The following NFKB1 variants were observed in gnomAD, a reference collection of about 807,000 sequenced individuals.
The protein encoded by NFKB1 is nuclear factor NF-kappa-B p105 subunit.
NFKB1 carries 9 observed loss-of-function variants against 105.1 expected under a neutral mutation model. The observed-to-expected ratio is 0.09, with a 90% CI of 0.05 to 0.15. The LOEUF (loss-of-function observed/expected upper bound fraction) is 0.15, where lower values mean the gene tolerates loss of function less well. Ranked by LOEUF, NFKB1 falls within the 10% of genes least tolerant of loss-of-function variation. The probability of loss-of-function intolerance (pLI) is 1.00; values close to 1 mark genes in which losing one functional copy is unlikely to be tolerated. For missense variants in NFKB1, 830 were observed against 1,203.7 expected (o/e 0.69, Z 4.59); for synonymous variants, 440 against 442.2 (o/e 1.00, Z 0.06).
At chr4:102,577,777 G>A (rs1263508246) in intron 7 of NFKB1, 5 of 981,948 alleles carry the variant, frequency 5.1e-6, no homozygotes, top group Non-Finnish European at 6.0e-6. Flanking sequence ...CTGCGAGGCT[G>A]TGGTCCAGCC....
chr4:102,550,487 C>T (rs1478995452), intron 5 of NFKB1, among the ~76,000 whole-genome samples: 1 of 152,166 alleles, frequency 6.6e-6, no homozygotes, highest in African/African-American at 2.4e-5. Context: ...TCTTCCCTCC[C>T]TCCCCTCATC....
chr4:102,512,578 G>A (rs1455651579), intron 1 of NFKB1, among the ~76,000 whole-genome samples: 3 of 152,010 alleles, frequency 2.0e-5, no homozygotes, highest in Non-Finnish European at 4.4e-5. Flanking sequence ...TGTTGCCAAG[G>A]CTTGTCCCCA....
intron 6 of NFKB1, among the ~76,000 whole-genome samples, chr4:102,572,664 C>T (rs1724480215): frequency 6.6e-6 from 1 of 152,140 alleles, no homozygotes; most frequent in South Asian, 2.1e-4. Flanking sequence ...GGTGTGAGAT[C>T]ATATCTCATT....
intron 5 of NFKB1, among the ~76,000 whole-genome samples, chr4:102,539,783 C>G (rs1249176487): frequency 6.6e-6 from 1 of 152,186 alleles, no homozygotes; most frequent in East Asian, 1.9e-4. Flanking sequence ...ACTAGTGGCT[C>G]TATATCCTGC....
At chr4:102,566,418 G>C (rs1343111203) in intron 5 of NFKB1, among the ~76,000 whole-genome samples, 1 of 152,152 alleles carries the variant, frequency 6.6e-6, no homozygotes, top group Non-Finnish European at 1.5e-5. Flanking sequence ...TGAAGGCTCA[G>C]GTTTTCTAAG....
chr4:102,551,367 T>TGTGTGTGTGCGC (rs370790173), intron 5 of NFKB1, among the ~76,000 whole-genome samples: 16 of 150,204 alleles, frequency 1.1e-4, no homozygotes, highest in African/African-American at 3.9e-4. Flanking sequence ...TGTGTGTGTG[T>TGTGTGTGTGCGC]GCGCGCGCGC....
intron 1 of NFKB1, among the ~76,000 whole-genome samples, chr4:102,510,141 C>T (rs1739684182): frequency 6.6e-6 from 1 of 152,210 alleles, no homozygotes; most frequent in African/African-American, 2.4e-5. Flanking sequence ...CTGGTTTGAG[C>T]ATCACCATTT....
intron 5 of NFKB1, among the ~76,000 whole-genome samples, chr4:102,564,150 A>G (rs946212180): frequency 5.9e-5 from 9 of 152,210 alleles, no homozygotes; most frequent in African/African-American, 2.2e-4. Context: ...AGAGCCTGCA[A>G]TGTTCAGACG....
chr4:102,536,161 T>G (rs1578733650), intron 4 of NFKB1, among the ~76,000 whole-genome samples: 1 of 152,208 alleles, frequency 6.6e-6, no homozygotes, highest in East Asian at 1.9e-4. Flanking sequence ...TTCATGGTTT[T>G]AGAAATTTCA....
rs199822147 is a variant in NFKB1 at position 102,525,580 on chromosome 4, T to A, written c.39+23T>A. 8.2e-4 allele frequency: 1,297 copies of A among 1,589,358 alleles called. 27 individuals carry two copies. In the South Asian group the frequency reaches 0.014, roughly 17 times the overall value. ...CAAGTAAGTGTCATAATCTCACTGA[T>A]AACTTTATTTAAATATATTCATATT... is the stretch of plus-strand genomic sequence containing the variant. On this transcript the variant is annotated intron_variant, in intron 2 of 23. Coordinates refer to ENST00000226574, the MANE Select transcript of NFKB1 (RefSeq NM_003998.4).
At chr4:102,583,871 G>A (rs1312140384) in intron 10 of NFKB1, among the ~76,000 whole-genome samples, 2 of 151,798 alleles carry the variant, frequency 1.3e-5, no homozygotes, top group African/African-American at 4.8e-5. Flanking sequence ...TCCTTTTGAT[G>A]AAATATCATG....
chr4:102,601,108 T>C lies in NFKB1; in HGVS notation c.1752+99T>C, dbSNP rs1217748692. The stretch of plus-strand genomic sequence containing the variant: ...ATGTTATTTTTAGTAATGTTAACAG[T>C]AGCAAAAACAAAAACAAACCTTTGT... On this transcript the variant is annotated intron_variant, in intron 16 of 23. Transcript: ENST00000226574. 6.8e-6 allele frequency: 5 copies of C among 730,470 alleles called. No individual in the cohort carries two copies. The African/African-American group carries it at 7.2e-5, about 10-fold the overall frequency. The allele number at this position is 730,470 out of a possible 1,614,324, so 45.2% of individuals were successfully genotyped here.
At chr4:102,577,750 C>A (rs1724972906) in intron 7 of NFKB1, 2 of 882,942 alleles carry the variant, frequency 2.3e-6, no homozygotes, top group Non-Finnish European at 2.7e-6. Context: ...CTCACTGACT[C>A]CCCCTCCTCG....
At chr4:102,600,770 C>T (rs1727080498) in intron 15 of NFKB1, 125 bp from the exon 16 acceptor site, 3 of 686,380 alleles carry the variant, frequency 4.4e-6, no homozygotes, top group Non-Finnish European at 7.8e-6. Context: ...AGATTCAAAA[C>T]ATTTTAGGGC....
At chr4:102,573,238 G>T (rs996139032) in intron 6 of NFKB1, among the ~76,000 whole-genome samples, 2 of 152,122 alleles carry the variant, frequency 1.3e-5, no homozygotes, top group African/African-American at 4.8e-5. Flanking sequence ...AACCTGGGAG[G>T]CAGAGGTTGC....
At chr4:102,538,731 G>A (rs230524) in intron 5 of NFKB1, among the ~76,000 whole-genome samples, 152,344 of 152,346 alleles carry the variant, frequency 1, 76,171 homozygotes, top group Non-Finnish European at 1. Flanking sequence ...ACATAGACTG[G>A]TAATCATTTT....
Position 102,601,539 on chromosome 4 carries a change from CAG to C in NFKB1, c.1752+533_1752+534del, listed in dbSNP as rs1274498565. Among the ~76,000 whole-genome samples the C allele has an allele frequency of 3.9e-5, 6 of 152,262 alleles. No homozygotes were observed. In the South Asian group the frequency reaches 1.0e-3, roughly 26 times the overall value. ...TCCAAGTGAGGAAAAGTGGGAACACCAGAGTTTTGCCCAAATCAGGTTTTCTT... is the reference window on the plus strand; with the variant it reads ...TCCAAGTGAGGAAAAGTGGGAACACCAGTTTTGCCCAAATCAGGTTTTCTT... On this transcript the variant is annotated intron_variant, in intron 16 of 23. Transcript: ENST00000226574.
At position 102,607,217 on chromosome 4, in the gene NFKB1, T is replaced by C; in HGVS notation, c.2022T>C (p.Ala674=). ...SLPCLLLLVA[A]GADVNAQEQK... Reference sequence around the variant, plus strand: ...CATGTTTGCTGCTGCTGGTGGCCGCTGGGGCTGACGTCAATGCTCAGGAGC... The same window carrying C: ...CATGTTTGCTGCTGCTGGTGGCCGCCGGGGCTGACGTCAATGCTCAGGAGC... The change falls in exon 18 of 24, where the codon GCT becomes GCC. Residue 674 remains alanine, a synonymous_variant. Coordinates refer to ENST00000226574, the MANE Select transcript of NFKB1 (RefSeq NM_003998.4). 1 of 1,614,168 alleles carries C rather than the reference T, an allele frequency of 6.2e-7. No individual in the cohort carries two copies. Among genetic ancestry groups the C allele is most frequent in the Non-Finnish European group, 8.5e-7 (1 of 1,180,030 alleles).
At chr4:102,596,710 C>T (rs1323462991) in intron 14 of NFKB1, among the ~76,000 whole-genome samples, 3 of 152,000 alleles carry the variant, frequency 2.0e-5, no homozygotes, top group Admixed American at 1.3e-4. Flanking sequence ...TAGAACTTTG[C>T]CTTAAAATAG....
Sources: gnomAD v4.1 joint callset for allele counts (sites outside exome capture counted in the v4.1 genomes callset) on GRCh38, gnomAD v4.1.1 for gene constraint, MANE v1.5 for transcripts, NCBI Gene and HGNC (gene_info 2026-07-23, HGNC 2026-07-21) for gene names.